Variants in TTC29 observed in about 807,000 individuals in gnomAD.
TTC29 encodes the protein tetratricopeptide repeat protein 29.
Under a neutral mutation model 58.1 loss-of-function variants are expected in TTC29, and 49 were observed. That is an observed-to-expected ratio of 0.84 (90% CI 0.67 to 1.07). The LOEUF (loss-of-function observed/expected upper bound fraction) is 1.07, where lower values mean the gene tolerates loss of function less well. Among genes scored for constraint, TTC29 ranks in the 50% least tolerant of loss-of-function variants. The pLI is 0.00. For synonymous variants in TTC29, 209 were observed against 196.8 expected (o/e 1.06, Z -0.52); for missense variants, 582 against 555.6 (o/e 1.05, Z -0.48).
intron 11 of TTC29, among the ~76,000 whole-genome samples, chr4:146,777,808 G>T (rs797010418): frequency 9.2e-5 from 14 of 152,340 alleles, no homozygotes; most frequent in African/African-American, 2.9e-4. Flanking sequence ...AATAGGATTT[G>T]CTCACTAACT....
At chr4:146,776,422 A>C (rs908958655) in intron 11 of TTC29, among the ~76,000 whole-genome samples, 1 of 148,528 alleles carries the variant, frequency 6.7e-6, no homozygotes. Flanking sequence ...CAATCTTTGA[A>C]GCTGCTGTCC....
At chr4:146,864,778 A>T (rs1730460709) in intron 8 of TTC29, among the ~76,000 whole-genome samples, 1 of 152,040 alleles carries the variant, frequency 6.6e-6, no homozygotes. Context: ...TTCTGTTTCA[A>T]ATCTTCCGCC....
At chr4:146,861,811 G>C (rs1361419042) in intron 8 of TTC29, among the ~76,000 whole-genome samples, 1 of 151,936 alleles carries the variant, frequency 6.6e-6, no homozygotes, top group Non-Finnish European at 1.5e-5. Flanking sequence ...TATTTAGATA[G>C]ATGAATAACA....
chr4:146,730,178 A>G (rs1055266109), intron 11 of TTC29, among the ~76,000 whole-genome samples: 13 of 152,222 alleles, frequency 8.5e-5, no homozygotes, highest in African/African-American at 2.9e-4. Context: ...CTTGTATAGT[A>G]TCTTCTTTCT....
At chr4:146,840,058 G>A (rs867585119) in intron 8 of TTC29, among the ~76,000 whole-genome samples, 5 of 152,068 alleles carry the variant, frequency 3.3e-5, no homozygotes, top group East Asian at 1.9e-4. Flanking sequence ...GACAGTGTGC[G>A]GCAGGAAAAT....
chr4:146,810,091 G>A (rs1006167220), intron 10 of TTC29, among the ~76,000 whole-genome samples: 11 of 152,208 alleles, frequency 7.2e-5, no homozygotes, highest in African/African-American at 2.6e-4. Flanking sequence ...CTATAAAAAA[G>A]GATGAGTTCA....
chr4:146,897,366 C>G (rs1375434099), intron 6 of TTC29, among the ~76,000 whole-genome samples: 1 of 152,156 alleles, frequency 6.6e-6, no homozygotes, highest in Admixed American at 6.5e-5. Flanking sequence ...GGCAATCAAT[C>G]GTGACCTATT....
intron 8 of TTC29, among the ~76,000 whole-genome samples, chr4:146,857,277 A>AGTGTGTGTGT (rs70958531): frequency 2.0e-5 from 3 of 149,322 alleles, no homozygotes; most frequent in Admixed American, 1.3e-4. Context: ...CTAGTGGAAG[A>AGTGTGTGTGT]GTGTGTGTGT....
chr4:146,819,152 TAAA>T (rs1012384233), intron 10 of TTC29, among the ~76,000 whole-genome samples: 1 of 150,224 alleles, frequency 6.7e-6, no homozygotes, highest in Non-Finnish European at 1.5e-5. Context: ...AATAAAAAAA[TAAA>T]AAAAAGATAG....
At chr4:146,900,904 C>T (rs1278559151) in intron 6 of TTC29, among the ~76,000 whole-genome samples, 1 of 152,110 alleles carries the variant, frequency 6.6e-6, no homozygotes, top group Admixed American at 6.5e-5. Context: ...ATAAAATTTA[C>T]AGAAAAATTC....
At chr4:146,824,426 C>T (rs550979735) in intron 9 of TTC29, among the ~76,000 whole-genome samples, 6 of 152,182 alleles carry the variant, frequency 3.9e-5, no homozygotes, top group South Asian at 2.1e-4. Context: ...TTATGTTGAG[C>T]CAGCTTTGCA....
chr4:146,932,328 A>G (rs1004505892), intron 4 of TTC29, among the ~76,000 whole-genome samples: 48 of 152,314 alleles, frequency 3.2e-4, no homozygotes, highest in African/African-American at 1.0e-3. Flanking sequence ...TTTGCTTGGC[A>G]ACTGACTTCT....
At chr4:146,747,990 T>C (rs1745675982) in intron 11 of TTC29, among the ~76,000 whole-genome samples, 1 of 152,208 alleles carries the variant, frequency 6.6e-6, no homozygotes, top group East Asian at 1.9e-4. Flanking sequence ...CAGTGGCATC[T>C]TGCCATTCCT....
At chr4:146,750,201 G>A (rs62328017) in intron 11 of TTC29, among the ~76,000 whole-genome samples, 1 of 152,088 alleles carries the variant, frequency 6.6e-6, no homozygotes, top group African/African-American at 2.4e-5. Context: ...CAGAGACGGG[G>A]TTTCGCGGTG....
chr4:146,874,870 C>A lies in TTC29; in HGVS notation c.645G>T (p.Arg215=). The part of the protein sequence containing the change: ...YEAFHQLTQG[R]IWKDETGRSL... ...AGCGGCCTGTCTCATCCTTCCATAT[C>A]CGCCCCTGTGTCAATTGATGGAATG... The change falls in exon 7 of 13, where the codon CGG becomes CGT. Residue 215 remains arginine, a synonymous_variant. Coordinates refer to ENST00000325106, the MANE Select transcript of TTC29 (RefSeq NM_031956.4). 1.9e-6 allele frequency: 3 copies of A among 1,613,530 alleles called. No homozygotes were observed. Among genetic ancestry groups the A allele is most frequent in the Non-Finnish European group, 1.7e-6 (2 of 1,179,704 alleles).
chr4:146,717,901 C>T (rs1234465751), intron 11 of TTC29, among the ~76,000 whole-genome samples: 4 of 152,098 alleles, frequency 2.6e-5, no homozygotes, highest in Non-Finnish European at 4.4e-5. Flanking sequence ...CTTCCCATTT[C>T]CCTCACCACT....
At chr4:146,830,458 T>C (rs530097971) in intron 9 of TTC29, among the ~76,000 whole-genome samples, 3 of 152,200 alleles carry the variant, frequency 2.0e-5, no homozygotes, top group South Asian at 4.1e-4. Flanking sequence ...TCACCATTCA[T>C]GCACGCTCAG....
intron 11 of TTC29, among the ~76,000 whole-genome samples, chr4:146,737,507 G>C (rs1028810489): frequency 1.3e-5 from 2 of 148,982 alleles, no homozygotes; most frequent in African/African-American, 4.9e-5. Flanking sequence ...GAGAGAGATA[G>C]AGACTGCTGA....
At chr4:146,925,827 T>C (rs1217117913) in intron 4 of TTC29, among the ~76,000 whole-genome samples, 1 of 152,190 alleles carries the variant, frequency 6.6e-6, no homozygotes, top group Non-Finnish European at 1.5e-5. Flanking sequence ...AGGGTAGTCC[T>C]GGAAATACTG....
Sources: allele counts gnomAD v4.1 joint callset (sites outside exome capture counted in the v4.1 genomes callset), GRCh38; gene constraint gnomAD v4.1.1; transcripts MANE v1.5; gene names NCBI Gene and HGNC (gene_info 2026-07-23, HGNC 2026-07-21).